Variants in DRD2 observed in about 807,000 individuals in gnomAD.
DRD2 encodes the protein D(2) dopamine receptor.
Under a neutral mutation model 38.0 loss-of-function variants are expected in DRD2, and 8 were observed. The observed-to-expected ratio is 0.21, with a 90% CI of 0.12 to 0.38. The LOEUF (loss-of-function observed/expected upper bound fraction) is 0.38, where lower values mean the gene tolerates loss of function less well. Ranked by LOEUF, DRD2 falls within the 10% of genes least tolerant of loss-of-function variation. The pLI, the probability that DRD2 is intolerant of heterozygous loss-of-function variation, is 1.00. For missense variants in DRD2, 403 were observed against 607.7 expected (o/e 0.66, Z 3.54); for synonymous variants, 230 against 238.6 (o/e 0.96, Z 0.33).
intron 2 of DRD2, among the ~76,000 whole-genome samples, chr11:113,419,752 C>T (rs1950867657): frequency 6.6e-6 from 1 of 152,212 alleles, no homozygotes; most frequent in South Asian, 2.1e-4. Context: ...TATAACCTTG[C>T]TCATTCTGAT....
intron 1 of DRD2, among the ~76,000 whole-genome samples, chr11:113,434,562 A>G (rs1284447788): frequency 6.6e-6 from 1 of 152,204 alleles, no homozygotes; most frequent in African/African-American, 2.4e-5. Context: ...CAAAGGTGTT[A>G]TAAGGCATTG....
intron 1 of DRD2, among the ~76,000 whole-genome samples, chr11:113,471,454 CA>C (rs1027571752): frequency 6.6e-6 from 1 of 152,134 alleles, no homozygotes; most frequent in Non-Finnish European, 1.5e-5. Flanking sequence ...TCCAAGGCCA[CA>C]AAATGCCTTA....
At chr11:113,470,888 C>A (rs1197410216) in intron 1 of DRD2, among the ~76,000 whole-genome samples, 1 of 152,226 alleles carries the variant, frequency 6.6e-6, no homozygotes, top group East Asian at 1.9e-4. Flanking sequence ...ACTAGAGCCA[C>A]CAGGGTCCTT....
chr11:113,460,347 G>A (rs918922756), intron 1 of DRD2, among the ~76,000 whole-genome samples: 2 of 152,238 alleles, frequency 1.3e-5, no homozygotes, highest in Non-Finnish European at 2.9e-5. Flanking sequence ...GAGGGAGGAC[G>A]TGGGGATACT....
Position 113,414,362 on chromosome 11 carries a change from C to T in DRD2, c.810+13G>A, listed in dbSNP as rs1461625071. 1.2e-6 allele frequency: 2 copies of T among 1,612,890 alleles called. No individual in the cohort carries two copies. The highest frequency in any genetic ancestry group is 8.5e-7 in the Non-Finnish European group (1 of 1,178,890). The stretch of plus-strand genomic sequence containing the variant: ...GAAAGACCTGGCTCTGGGTCCCTGG[C>T]CTGAGCACTTACCACTCTCCGCCTG... On this transcript the variant is annotated intron_variant, in intron 6 of 7. Coordinates refer to ENST00000362072, the MANE Select transcript of DRD2 (RefSeq NM_000795.4).
At chr11:113,436,233 C>T (rs1484688238) in intron 1 of DRD2, among the ~76,000 whole-genome samples, 1 of 152,120 alleles carries the variant, frequency 6.6e-6, no homozygotes, top group African/African-American at 2.4e-5. Context: ...GGTAAAATTT[C>T]ACCACAGGAA....
At chr11:113,461,891 C>T (rs1017718388) in intron 1 of DRD2, among the ~76,000 whole-genome samples, 10 of 152,152 alleles carry the variant, frequency 6.6e-5, no homozygotes, top group African/African-American at 2.4e-4. Context: ...CATGCACGCC[C>T]AATCACCACC....
At chr11:113,456,709 C>A (rs937925322) in intron 1 of DRD2, among the ~76,000 whole-genome samples, 2 of 152,006 alleles carry the variant, frequency 1.3e-5, no homozygotes, top group African/African-American at 2.4e-5. Flanking sequence ...TTCATAGAGA[C>A]AGAAGGTAAA....
At chr11:113,442,896 GC>G (rs1262179150) in intron 1 of DRD2, among the ~76,000 whole-genome samples, 1 of 152,150 alleles carries the variant, frequency 6.6e-6, no homozygotes, top group African/African-American at 2.4e-5. Flanking sequence ...TTACCTTTGT[GC>G]CTTTTTTCCT....
intron 1 of DRD2, among the ~76,000 whole-genome samples, chr11:113,429,274 T>C (rs1950965296): frequency 6.6e-6 from 1 of 152,032 alleles, no homozygotes. Flanking sequence ...AGATGGAGTC[T>C]TGCTCTGTCA....
At chr11:113,429,539 C>A (rs1290831608) in intron 1 of DRD2, among the ~76,000 whole-genome samples, 1 of 152,108 alleles carries the variant, frequency 6.6e-6, no homozygotes, top group Non-Finnish European at 1.5e-5. Context: ...GCCACCGCAC[C>A]CGGCCAGTAC....
rs150071270 is a variant in DRD2, at chr11:113,434,037, C to T, written c.-31-9355G>A. On this transcript the variant is annotated intron_variant, in intron 1 of 7. Coordinates refer to ENST00000362072, the MANE Select transcript of DRD2 (RefSeq NM_000795.4). ...GCTCAGCATAGCACACCCTGGCTGGCCTCCTCCTCCTTCTCACCCTTCAGG... is the reference window on the plus strand; with the variant it reads ...GCTCAGCATAGCACACCCTGGCTGGTCTCCTCCTCCTTCTCACCCTTCAGG... 7.3e-3 allele frequency among the ~76,000 whole-genome samples: 1,118 copies of T among 152,222 alleles called. 16 individuals carry two copies. The highest frequency in any genetic ancestry group is 0.01 in the Non-Finnish European group (707 of 67,998).
intron 1 of DRD2, among the ~76,000 whole-genome samples, chr11:113,455,820 A>G (rs1951263676): frequency 1.3e-5 from 2 of 152,236 alleles, no homozygotes; most frequent in Admixed American, 1.3e-4. Flanking sequence ...AAAAGGGAAC[A>G]CTTATAAACC....
intron 1 of DRD2, among the ~76,000 whole-genome samples, chr11:113,459,463 C>T (rs1211583330): frequency 1.3e-5 from 2 of 152,156 alleles, no homozygotes; most frequent in Non-Finnish European, 2.9e-5. Flanking sequence ...GTTAACTATA[C>T]CTAAGCTGCC....
In DRD2 at chr11:113,410,892, G is replaced by T. The variant is rs1185568945; in HGVS notation, c.1167C>A (p.Phe389Leu). Reference sequence around the variant, plus strand: ...GTATGTTCAGGATGTGTGTGATGAAGAAGGGCAGCCAGCAGATGATGAACA... The same window carrying T: ...GTATGTTCAGGATGTGTGTGATGAATAAGGGCAGCCAGCAGATGATGAACA... ...LGVFIICWLP[F>L]FITHILNIHC... The change falls in exon 8 of 8, where the codon TTC (phenylalanine) becomes TTA (leucine). Residue 389 changes from phenylalanine (F) to leucine (L), a missense_variant. This residue lies in a region of DRD2 where 67 missense variants were observed against 136.1 expected (regional missense o/e 0.49). Coordinates refer to ENST00000362072, the MANE Select transcript of DRD2 (RefSeq NM_000795.4). 1 of 1,611,398 alleles carries T rather than the reference G, an allele frequency of 6.2e-7. No individual in the cohort carries two copies. Among genetic ancestry groups the T allele is most frequent in the Non-Finnish European group, 8.5e-7 (1 of 1,177,730 alleles).
intron 1 of DRD2, among the ~76,000 whole-genome samples, chr11:113,467,368 A>C (rs1951380350): frequency 6.6e-6 from 1 of 152,194 alleles, no homozygotes; most frequent in Non-Finnish European, 1.5e-5. Flanking sequence ...ATCTTTATGC[A>C]CTGGGGAATC....
At chr11:113,449,514 T>A (rs1447522933) in intron 1 of DRD2, among the ~76,000 whole-genome samples, 2 of 152,026 alleles carry the variant, frequency 1.3e-5, no homozygotes, top group East Asian at 3.9e-4. Flanking sequence ...CATGAGCAGA[T>A]CATGTGAGCC....
chr11:113,424,574 G>A lies in DRD2; in HGVS notation c.78C>T (p.Asp26=), dbSNP rs200272626. The A allele has an allele frequency of 8.2e-5, 133 of 1,614,206 alleles. No homozygotes were observed. The highest frequency in any genetic ancestry group is 7.8e-4 in the East Asian group (35 of 44,888). The change falls in exon 2 of 8, where the codon GAC becomes GAT. Residue 26 remains aspartate (D), a synonymous_variant. Coordinates refer to ENST00000362072, the MANE Select transcript of DRD2 (RefSeq NM_000795.4). ...TGTAGTGGGGTCTGTCCGCCTTCCC[G>A]TCTGACCCGTTGAAGGGCCGGCTCC... ...QNWSRPFNGS[D]GKADRPHYNY...
At chr11:113,455,068 G>T (rs1565676395) in intron 1 of DRD2, among the ~76,000 whole-genome samples, 1 of 152,138 alleles carries the variant, frequency 6.6e-6, no homozygotes, top group Non-Finnish European at 1.5e-5. Flanking sequence ...GTTGATCTGG[G>T]CCGGGCACGG....
Sources: gnomAD v4.1 joint callset for allele counts (sites outside exome capture counted in the v4.1 genomes callset) on GRCh38, gnomAD v4.1.1 for gene constraint, gnomAD v4.1.1 regional missense constraint, MANE v1.5 for transcripts, NCBI Gene and HGNC (gene_info 2026-07-23, HGNC 2026-07-21) for gene names.